POLR3B: variants seen among roughly 807,000 people sequenced by gnomAD.
POLR3B encodes RNA polymerase III subunit B.
POLR3B carries 96 observed loss-of-function variants against 147.4 expected under a neutral mutation model. The observed-to-expected ratio is 0.65, with a 90% CI of 0.55 to 0.77. The LOEUF (loss-of-function observed/expected upper bound fraction) is 0.77. Ranked by LOEUF, POLR3B falls within the 30% of genes least tolerant of loss-of-function variation. POLR3B has a pLI of 0.00. For synonymous variants in POLR3B, 461 were observed against 485.9 expected, an observed-to-expected ratio of 0.95 and a Z score of 0.67; for missense variants, 1,036 against 1,413.5, an observed-to-expected ratio of 0.73 and a Z score of 4.28.
rs545951495 is a variant in POLR3B, at chr12:106,509,652, C to A, written c.*103C>A. 1.9e-6 allele frequency: 2 copies of A among 1,059,936 alleles called. No individual in the cohort carries two copies. Among genetic ancestry groups the A allele is most frequent in the South Asian group, 1.3e-5 (1 of 75,832 alleles). 65.7% of individuals were successfully genotyped at this position (1,059,936 alleles called of 1,614,324 possible). On this transcript the variant is annotated 3_prime_UTR_variant, in exon 28 of 28. Coordinates refer to ENST00000228347, the MANE Select transcript of POLR3B (RefSeq NM_018082.6). ...TCTCCTCCTGTGAAGAATTCCCTTG[C>A]GTATTCTCTCTCTAAAACAACCAAA...
intron 27 of POLR3B, among the ~76,000 whole-genome samples, chr12:106,505,391 G>C (rs757550734): frequency 6.6e-5 from 10 of 151,896 alleles, no homozygotes; most frequent in Non-Finnish European, 5.9e-5. Context: ...AGGCTCAAGC[G>C]ATCCTCTCAC....
At chr12:106,360,773 G>A (rs2036458984) in intron 1 of POLR3B, among the ~76,000 whole-genome samples, 1 of 152,224 alleles carries the variant, frequency 6.6e-6, no homozygotes, top group Non-Finnish European at 1.5e-5. Flanking sequence ...ACCTGGTGGT[G>A]TATTATTCAC....
rs372930203 is a variant in POLR3B, at chr12:106,404,093, GT to G, written c.847-1749del. Among the ~76,000 whole-genome samples the G allele has an allele frequency of 9.4e-3, 1,273 of 135,938 alleles. 10 individuals carry two copies. Among genetic ancestry groups the G allele is most frequent in the African/African-American group, 0.031 (1,125 of 36,076 alleles). 89.2% of individuals were successfully genotyped at this position (135,938 alleles called of 152,430 possible). ...CAGCTGTGTATGAGAGTTGTTTTTT[GT>G]TTTTTTTTTTTTTTGAGACAGAGCC... is the stretch of plus-strand genomic sequence containing the variant. On this transcript the variant is annotated intron_variant, in intron 10 of 27. Transcript: ENST00000228347.
At chr12:106,483,432 A>T (rs2038295896) in intron 23 of POLR3B, among the ~76,000 whole-genome samples, 1 of 152,220 alleles carries the variant, frequency 6.6e-6, no homozygotes. Flanking sequence ...TCCCTTGACT[A>T]ATGCCCATGA....
At chr12:106,364,240 A>G (rs1337273833) in intron 2 of POLR3B, among the ~76,000 whole-genome samples, 1 of 152,192 alleles carries the variant, frequency 6.6e-6, no homozygotes, top group Non-Finnish European at 1.5e-5. Flanking sequence ...TTAAGCCTGA[A>G]AGCTGGGTGC....
chr12:106,421,795 G>T (rs1390064256), intron 12 of POLR3B, among the ~76,000 whole-genome samples: 1 of 152,000 alleles, frequency 6.6e-6, no homozygotes, highest in Non-Finnish European at 1.5e-5. Flanking sequence ...CACTTCCTGG[G>T]TTCAGGTGAT....
rs1224884369 is a variant in POLR3B at position 106,367,277 on chromosome 12, G to A, written c.227+555G>A. Among the ~76,000 whole-genome samples, 6 of 152,114 alleles carry A rather than the reference G, an allele frequency of 3.9e-5. No homozygotes were observed. In the East Asian group the frequency reaches 9.6e-4, roughly 24 times the overall value. On this transcript the variant is annotated intron_variant, in intron 4 of 27. Coordinates refer to ENST00000228347, the MANE Select transcript of POLR3B (RefSeq NM_018082.6). ...TAATGTTAAGCTTAAAAGAAAAATT[G>A]CAAAAGTAGTACAAAGAATTCTTCA...
chr12:106,438,501 G>GT (rs1186814322), intron 18 of POLR3B, among the ~76,000 whole-genome samples: 2,033 of 142,974 alleles, frequency 0.014, 23 homozygotes, highest in Non-Finnish European at 0.015. Flanking sequence ...CCATATATAT[G>GT]TTTTTTTTTT....
chr12:106,370,973 G>T (rs1268601404), intron 6 of POLR3B, among the ~76,000 whole-genome samples: 2 of 152,066 alleles, frequency 1.3e-5, no homozygotes, highest in African/African-American at 4.8e-5. Flanking sequence ...CTTGTATATG[G>T]ACCATACTTG....
chr12:106,450,410 A>G (rs1158420257), intron 19 of POLR3B, among the ~76,000 whole-genome samples: 1 of 152,204 alleles, frequency 6.6e-6, no homozygotes, highest in Non-Finnish European at 1.5e-5. Flanking sequence ...TGTTAAGAAT[A>G]TGAAAATGCA....
At chr12:106,365,839 A>G (rs2036527946) in intron 2 of POLR3B, among the ~76,000 whole-genome samples, 1 of 151,172 alleles carries the variant, frequency 6.6e-6, no homozygotes, top group Non-Finnish European at 1.5e-5. Context: ...AGCCTGGGCA[A>G]TAGAGCGAGA....
At chr12:106,435,912 G>A (rs1593040233) in intron 16 of POLR3B, among the ~76,000 whole-genome samples, 3 of 152,090 alleles carry the variant, frequency 2.0e-5, no homozygotes, top group Non-Finnish European at 4.4e-5. Context: ...AGTAGAATGC[G>A]TTGAGTAACG....
intron 9 of POLR3B, among the ~76,000 whole-genome samples, chr12:106,381,281 C>CCACA (rs2036760177): frequency 6.6e-6 from 1 of 152,154 alleles, no homozygotes; most frequent in African/African-American, 2.4e-5. Flanking sequence ...AGCATTTTAC[C>CCACA]CACAGTAGAA....
chr12:106,438,095 T>C (rs1423146686), intron 18 of POLR3B, among the ~76,000 whole-genome samples: 1 of 152,048 alleles, frequency 6.6e-6, no homozygotes, highest in Non-Finnish European at 1.5e-5. Flanking sequence ...CCTGTGTCCA[T>C]GTGTTCTCAT....
Position 106,366,540 on chromosome 12 carries a change from A to T in POLR3B, c.130A>T (p.Ile44Leu). 1 of 1,610,566 alleles carries T rather than the reference A, an allele frequency of 6.2e-7. No homozygotes were observed. The highest frequency in any genetic ancestry group is 8.5e-7 in the Non-Finnish European group (1 of 1,177,142). Residue 44 changes from isoleucine to leucine, a missense_variant, in exon 3 of 28, where the codon ATA becomes TTA. By Grantham distance (5) the Ile-to-Leu change is conservative. Coordinates refer to ENST00000228347, the MANE Select transcript of POLR3B (RefSeq NM_018082.6). ...GGTGAAAGGCCTTGTGAAACAGCAT[A>T]TAGATTCATTTAACTATTTCATTAA... ...LKVKGLVKQH[I>L]DSFNYFINVE...
intron 23 of POLR3B, among the ~76,000 whole-genome samples, chr12:106,477,899 T>TCC (rs2038203487): frequency 8.7e-6 from 1 of 114,854 alleles, no homozygotes; most frequent in Non-Finnish European, 1.8e-5. Context: ...CCCTTTTTTT[T>TCC]TTTTTTTTTT....
chr12:106,405,176 T>G (rs540378257), intron 10 of POLR3B, among the ~76,000 whole-genome samples: 4 of 152,300 alleles, frequency 2.6e-5, no homozygotes, highest in African/African-American at 9.6e-5. Context: ...CTTTTTTCTT[T>G]CAATCCTGTT....
At chr12:106,490,700 G>A (rs577474188) in intron 23 of POLR3B, among the ~76,000 whole-genome samples, 1 of 152,176 alleles carries the variant, frequency 6.6e-6, no homozygotes, top group African/African-American at 2.4e-5. Context: ...CTGGAAAAGG[G>A]GAGGGGAAGA....
In POLR3B at chr12:106,433,780, A is replaced by C. The variant is rs200865877; in HGVS notation, c.1689A>C (p.Arg563Ser). ...TAGTGAATACATTTCGACTCATGAG[A>C]AGAGCAGGATATATCAATGAATTTG... ...KKLVNTFRLM[R>S]RAGYINEFVS... is the part of the protein sequence containing the mutation. Residue 563 changes from arginine to serine, a missense_variant, in exon 16 of 28, where the codon AGA becomes AGC. Arg to Ser is a moderately radical substitution (Grantham distance 110). Around this residue, in one of 12 missense-constraint regions of POLR3B, gnomAD observed 177 missense variants for 232.7 expected, o/e 0.76. Transcript: ENST00000228347. 1 of 1,613,390 alleles carries C rather than the reference A, an allele frequency of 6.2e-7. No homozygotes were observed. The highest frequency in any genetic ancestry group is 8.5e-7 in the Non-Finnish European group (1 of 1,179,418).
Sources: allele counts gnomAD v4.1 joint callset (sites outside exome capture counted in the v4.1 genomes callset), GRCh38; gene constraint gnomAD v4.1.1; regional missense constraint gnomAD v4.1.1; transcripts MANE v1.5; gene names NCBI Gene and HGNC (gene_info 2026-07-23, HGNC 2026-07-21).